C12orf42: variants seen among roughly 807,000 people sequenced by gnomAD.
The protein encoded by C12orf42 is chromosome 12 open reading frame 42, also known as uncharacterized protein C12orf42.
In C12orf42, 25 loss-of-function variants were observed where a neutral mutation model predicts 21.6. The ratio of observed to expected loss-of-function variants is 1.16; its 90% CI spans 0.84 to 1.62. The LOEUF (loss-of-function observed/expected upper bound fraction) is 1.62. Ranked by LOEUF, C12orf42 falls within the 40% of genes most tolerant of loss-of-function variation. C12orf42 has a pLI of 0.00. For synonymous variants in C12orf42, 174 were observed against 175.0 expected, an observed-to-expected ratio of 0.99 and a Z score of 0.05; for missense variants, 483 against 459.3, an observed-to-expected ratio of 1.05 and a Z score of -0.47.
At chr12:103,310,484 C>T (rs746555430) in intron 4 of C12orf42, among the ~76,000 whole-genome samples, 11 of 152,150 alleles carry the variant, frequency 7.2e-5, no homozygotes, top group Non-Finnish European at 1.6e-4. Flanking sequence ...ATGTTGGTAA[C>T]ATTTTGGATT....
the C12orf42 span, among the ~76,000 whole-genome samples, chr12:103,154,742 T>C: frequency 1.3e-5 from 2 of 152,156 alleles, no homozygotes; most frequent in Non-Finnish European, 2.9e-5. Context: ...AAGGAGGAAA[T>C]TCCGTTTTTT....
intron 3 of C12orf42, among the ~76,000 whole-genome samples, chr12:103,384,216 G>T (rs1035566777): frequency 2.0e-5 from 3 of 152,210 alleles, no homozygotes; most frequent in Non-Finnish European, 4.4e-5. Flanking sequence ...ATAAGCAAAA[G>T]ATATTTATTA....
intron 10 of C12orf42, among the ~76,000 whole-genome samples, chr12:103,258,510 G>A (rs910105086): frequency 2.6e-5 from 4 of 151,810 alleles, no homozygotes; most frequent in African/African-American, 9.7e-5. Context: ...ATAACATCTT[G>A]TTTTTTGATT....
At chr12:103,107,110 G>A in the C12orf42 span, among the ~76,000 whole-genome samples, 53 of 152,092 alleles carry the variant, frequency 3.5e-4, 1 homozygote, top group East Asian at 0.01. Context: ...ACTCTACTAT[G>A]TAAAGCAGCA....
Position 103,416,681 on chromosome 12 carries a change from C to T in C12orf42, c.79-15006G>A, listed in dbSNP as rs570174778. Among the ~76,000 whole-genome samples the T allele has an allele frequency of 2.1e-3, 326 of 152,112 alleles. 1 individual carries two copies. The highest frequency in any genetic ancestry group is 7.3e-3 in the African/African-American group (302 of 41,516). ...ACAAAGATAGATATTTTTGCCCTGA[C>T]GTAACTATTTTACAAACACTCTATT... On this transcript the variant is annotated intron_variant, in intron 2 of 5. Coordinates refer to ENST00000548883, the MANE Select transcript of C12orf42 (RefSeq NM_198521.5).
intron 4 of C12orf42, among the ~76,000 whole-genome samples, chr12:103,329,806 C>A (rs756796075): frequency 6.6e-6 from 1 of 151,818 alleles, no homozygotes; most frequent in African/African-American, 2.4e-5. Context: ...TTTATTCCAG[C>A]TTTCCCCCTT....
the C12orf42 span, among the ~76,000 whole-genome samples, chr12:103,507,638 T>C: frequency 6.7e-6 from 1 of 149,528 alleles, no homozygotes; most frequent in Non-Finnish European, 1.5e-5. Context: ...ATAATTGCAC[T>C]ACTGCACCTA....
At chr12:103,377,452 C>T (rs1421823143) in intron 3 of C12orf42, among the ~76,000 whole-genome samples, 1 of 151,982 alleles carries the variant, frequency 6.6e-6, no homozygotes, top group African/African-American at 2.4e-5. Flanking sequence ...GAAAGGCTTT[C>T]CCCTGGTATG....
chr12:103,096,977 C>T, the C12orf42 span, among the ~76,000 whole-genome samples: 2 of 152,138 alleles, frequency 1.3e-5, no homozygotes, highest in African/African-American at 4.8e-5. Context: ...TGTTGATAGG[C>T]AAACAATCAC....
chr12:103,126,664 TAAAA>T, the C12orf42 span, among the ~76,000 whole-genome samples: 1 of 134,104 alleles, frequency 7.5e-6, no homozygotes, highest in African/African-American at 2.8e-5. Flanking sequence ...TGAAGTTAAC[TAAAA>T]AAAAAAAAAG....
intron 4 of C12orf42, among the ~76,000 whole-genome samples, chr12:103,339,811 A>G (rs1253008179): frequency 6.6e-6 from 1 of 152,256 alleles, no homozygotes; most frequent in South Asian, 2.1e-4. Context: ...ACAAGATCAT[A>G]GCATTTTGGA....
chr12:103,254,259 T>A (rs1012461321), intron 10 of C12orf42, among the ~76,000 whole-genome samples: 2 of 152,200 alleles, frequency 1.3e-5, no homozygotes, highest in Non-Finnish European at 2.9e-5. Flanking sequence ...CTTGTTTTTG[T>A]CAGGTTAGTC....
chr12:103,404,955 C>T (rs2048313672), intron 2 of C12orf42, among the ~76,000 whole-genome samples: 1 of 152,182 alleles, frequency 6.6e-6, no homozygotes, highest in Non-Finnish European at 1.5e-5. Flanking sequence ...CTAATAGGTG[C>T]ATGAAGAGTA....
chr12:103,071,223 C>T, the C12orf42 span, among the ~76,000 whole-genome samples: 1 of 152,078 alleles, frequency 6.6e-6, no homozygotes, highest in Non-Finnish European at 1.5e-5. Flanking sequence ...CACCATAAAC[C>T]CTTCATCCCT....
intron 3 of C12orf42, among the ~76,000 whole-genome samples, chr12:103,390,803 A>T (rs1325574547): frequency 6.6e-6 from 1 of 152,206 alleles, no homozygotes; most frequent in Non-Finnish European, 1.5e-5. Context: ...GTGAAAATTC[A>T]TCTTTTTTCC....
At chr12:103,064,057 G>A in the C12orf42 span, among the ~76,000 whole-genome samples, 2 of 152,194 alleles carry the variant, frequency 1.3e-5, no homozygotes, top group African/African-American at 4.8e-5. Flanking sequence ...GTTTACTGTA[G>A]AGAAAAGGAT....
At chr12:103,076,135 A>G in the C12orf42 span, among the ~76,000 whole-genome samples, 8 of 152,132 alleles carry the variant, frequency 5.3e-5, no homozygotes, top group Admixed American at 5.2e-4. Context: ...GCTATATAGA[A>G]GATGGGTTGA....
the C12orf42 span, among the ~76,000 whole-genome samples, chr12:103,150,757 A>C: frequency 6.6e-6 from 1 of 152,222 alleles, no homozygotes; most frequent in South Asian, 2.1e-4. Context: ...TAATATAAAA[A>C]AATACTGGAA....
the C12orf42 span, among the ~76,000 whole-genome samples, chr12:103,226,200 T>A: frequency 4.6e-5 from 7 of 152,256 alleles, no homozygotes; most frequent in South Asian, 1.5e-3. Flanking sequence ...GTTCAGGCGT[T>A]TGGAAGTTCT....
Sources: allele counts gnomAD v4.1 joint callset (sites outside exome capture counted in the v4.1 genomes callset), GRCh38; gene constraint gnomAD v4.1.1; transcripts MANE v1.5; gene names NCBI Gene and HGNC (gene_info 2026-07-23, HGNC 2026-07-21).